The following CHEK1 variants were observed in gnomAD, a reference collection of about 807,000 sequenced individuals.
CHEK1 encodes serine/threonine-protein kinase Chk1.
In CHEK1, 32 loss-of-function variants were observed where a neutral mutation model predicts 60.2. The observed-to-expected ratio is 0.53, with a 90% confidence interval of 0.40 to 0.71. CHEK1 has a LOEUF of 0.71. Among genes scored for constraint, CHEK1 ranks in the 30% least tolerant of loss-of-function variants. The pLI, the probability that CHEK1 is intolerant of heterozygous loss-of-function variation, is 0.00. For missense variants in CHEK1, 399 were observed against 564.6 expected (o/e 0.71, Z 2.97); for synonymous variants, 179 against 187.2 (o/e 0.96, Z 0.36).
exon 14 of CHEK1, chr11:125,676,247 A>C: frequency 7.3e-7 from 1 of 1,365,498 alleles, no homozygotes; most frequent in South Asian, 1.3e-5. Flanking sequence ...TAAAGTTCTG[A>C]ATCTTCAAGT....
At chr11:125,676,699 TTC>T (rs139088797), downstream of CHEK1, among the ~76,000 whole-genome samples, 7,156 of 152,228 alleles carry the variant, frequency 0.047, 212 homozygotes, top group Middle Eastern at 0.088. Flanking sequence ...AATCCCAAAT[TTC>T]TCTCTCTAAT....
At chr11:125,675,313 T>TAAG (rs1942446702) in intron 13 of CHEK1, among the ~76,000 whole-genome samples, 1 of 152,246 alleles carries the variant, frequency 6.6e-6, no homozygotes, top group Non-Finnish European at 1.5e-5. Context: ...ATATGTGCCT[T>TAAG]TCTTAAGACA....
chr11:125,631,445 A>C (rs1038605569), intron 5 of CHEK1, among the ~76,000 whole-genome samples: 1 of 152,170 alleles, frequency 6.6e-6, no homozygotes, highest in African/African-American at 2.4e-5. Flanking sequence ...GCTGAGTATT[A>C]TGTTGCAGAC....
At chr11:125,677,684 G>T, downstream of CHEK1, 1 of 1,386,024 alleles carries the variant, frequency 7.2e-7, no homozygotes, top group Non-Finnish European at 9.9e-7. Flanking sequence ...AGCTGTTTGT[G>T]AAGTGTTAAC....
intron 13 of CHEK1, among the ~76,000 whole-genome samples, chr11:125,669,363 C>T (rs1296644962): frequency 1.3e-5 from 2 of 152,094 alleles, no homozygotes; most frequent in Non-Finnish European, 2.9e-5. Context: ...TTGTTTTCTG[C>T]TCTCCATTGT....
downstream of CHEK1, among the ~76,000 whole-genome samples, chr11:125,677,572 T>G (rs1942571173): frequency 6.6e-6 from 1 of 152,122 alleles, no homozygotes; most frequent in Non-Finnish European, 1.5e-5. Flanking sequence ...CATTTTGTAT[T>G]TGTTTTATTT....
chr11:125,633,106 GT>G (rs1222284486), intron 5 of CHEK1, 56 bp from the exon 6 acceptor site: 5 of 1,465,228 alleles, frequency 3.4e-6, no homozygotes, highest in Non-Finnish European at 4.6e-6. Flanking sequence ...ATTCCTGTAA[GT>G]ATATCTATTT....
At chr11:125,664,315 C>A (rs575678516) in intron 13 of CHEK1, among the ~76,000 whole-genome samples, 2 of 149,912 alleles carry the variant, frequency 1.3e-5, no homozygotes, top group African/African-American at 4.9e-5. Flanking sequence ...CTCACTGCAA[C>A]CTCCACCTCC....
At chr11:125,676,390 G>A (rs1280009212), downstream of CHEK1, 5 of 1,613,942 alleles carry the variant, frequency 3.1e-6, no homozygotes, top group Admixed American at 6.7e-5. Flanking sequence ...TGCACTGCTG[G>A]GAATTCTGAG....
downstream of CHEK1, among the ~76,000 whole-genome samples, chr11:125,678,978 T>TTATTTATATA (rs1555078665): frequency 2.3e-5 from 2 of 88,436 alleles, no homozygotes; most frequent in Non-Finnish European, 4.5e-5. Flanking sequence ...TCTAGGCATA[T>TTATTTATATA]TATATATATA....
At chr11:125,660,421 T>C (rs1161632458), downstream of CHEK1, among the ~76,000 whole-genome samples, 1 of 152,174 alleles carries the variant, frequency 6.6e-6, no homozygotes, top group African/African-American at 2.4e-5. Context: ...AGACAGGGTC[T>C]CATTATATTG....
rs148140045 is a variant in CHEK1, at chr11:125,675,359, T to C, written c.*28-569T>C. 2.3e-4 allele frequency among the ~76,000 whole-genome samples: 35 copies of C among 150,990 alleles called. No individual in the cohort carries two copies. In the East Asian group the frequency reaches 5.0e-3, roughly 22 times the overall value. On this transcript the variant is annotated intron_variant, in intron 13 of 13. Transcript: ENST00000428830. ...CCTTGTGATATTGTTTCTTATTTCT[T>C]ACATTATAACATAATCTCTTTGTAC...
rs528848235 is a variant in CHEK1 at position 125,672,615 on chromosome 11, T to G, written c.*28-3313T>G. ...CTTCTAGATCTTATTGCAGAAAGAT[T>G]GATTTCGACAGCATATAATTTGCAT... On this transcript the variant is annotated intron_variant, in intron 13 of 13. Transcript: ENST00000428830. 4 of 1,614,116 alleles carry G rather than the reference T, an allele frequency of 2.5e-6. No homozygotes were observed. In the African/African-American group the frequency reaches 5.3e-5, roughly 22 times the overall value.
intron 1 of CHEK1, 153 bp from the exon 2 acceptor site, chr11:125,626,596 T>C: frequency 1.5e-6 from 1 of 656,262 alleles, no homozygotes. Context: ...GAATAGTTGT[T>C]CGTGGTTGAA....
At chr11:125,649,181 A>G (rs1941615427) in intron 11 of CHEK1, among the ~76,000 whole-genome samples, 2 of 151,690 alleles carry the variant, frequency 1.3e-5, no homozygotes, top group African/African-American at 2.4e-5. Flanking sequence ...TATCTTGTGT[A>G]TTTTCCTTTT....
chr11:125,641,149 C>T (rs1233348193), intron 8 of CHEK1, among the ~76,000 whole-genome samples: 1 of 152,126 alleles, frequency 6.6e-6, no homozygotes, highest in East Asian at 1.9e-4. Context: ...TGAACATATC[C>T]CTCTGTGGAT....
chr11:125,628,003 A>G (rs1431708475), intron 3 of CHEK1, among the ~76,000 whole-genome samples, 173 bp downstream of exon 3: 2 of 152,208 alleles, frequency 1.3e-5, no homozygotes, highest in Non-Finnish European at 2.9e-5. Flanking sequence ...AAAAGCATAT[A>G]TAGAGTCAAT....
At chr11:125,670,844 TC>T (rs1294376520) in intron 13 of CHEK1, among the ~76,000 whole-genome samples, 1 of 152,188 alleles carries the variant, frequency 6.6e-6, no homozygotes, top group Non-Finnish European at 1.5e-5. Flanking sequence ...AGCTTTCAAA[TC>T]TTTTTTTTAT....
At chr11:125,669,740 A>G (rs1013872454) in intron 13 of CHEK1, among the ~76,000 whole-genome samples, 1 of 151,496 alleles carries the variant, frequency 6.6e-6, no homozygotes, top group Admixed American at 6.6e-5. Flanking sequence ...TGGCCAGGCT[A>G]GTCTTGAACT....
Sources: gnomAD v4.1 joint callset for allele counts (sites outside exome capture counted in the v4.1 genomes callset) on GRCh38, gnomAD v4.1.1 for gene constraint, MANE v1.5 for transcripts, NCBI Gene and HGNC (gene_info 2026-07-23, HGNC 2026-07-21) for gene names.